Variants in LRP1B observed in about 807,000 individuals in gnomAD.
LRP1B encodes the protein LDL receptor related protein 1B.
A neutral mutation model predicts 556.6 loss-of-function variants in LRP1B; 217 were observed. The observed-to-expected ratio is 0.39, with a 90% confidence interval of 0.35 to 0.44. The LOEUF (loss-of-function observed/expected upper bound fraction) is 0.44, where lower values mean the gene tolerates loss of function less well. Among genes scored for constraint, LRP1B ranks in the 20% least tolerant of loss-of-function variants. The pLI is 1.00. For synonymous variants in LRP1B, 2,047 were observed against 1,865.8 expected (o/e 1.10, Z -2.50); for missense variants, 5,053 against 5,620.8 (o/e 0.90, Z 3.23).
At chr2:141,115,470 T>G (rs1318756747) in intron 7 of LRP1B, among the ~76,000 whole-genome samples, 3 of 149,560 alleles carry the variant, frequency 2.0e-5, no homozygotes, top group African/African-American at 7.4e-5. Flanking sequence ...TTTTTTTTTT[T>G]TTTTGAGATG....
At chr2:141,127,654 T>C (rs1379559338) in intron 7 of LRP1B, among the ~76,000 whole-genome samples, 1 of 152,208 alleles carries the variant, frequency 6.6e-6, no homozygotes, top group African/African-American at 2.4e-5. Context: ...TTCTCTTCAA[T>C]GGAGTTTAAG....
chr2:140,835,378 G>C (rs1691863645), intron 31 of LRP1B, among the ~76,000 whole-genome samples: 1 of 152,046 alleles, frequency 6.6e-6, no homozygotes, highest in Non-Finnish European at 1.5e-5. Flanking sequence ...TTCTTTTTGA[G>C]GGCTGCCACC....
chr2:141,024,939 C>T (rs34232591), intron 11 of LRP1B, among the ~76,000 whole-genome samples: 26,370 of 151,940 alleles, frequency 0.17, 2,442 homozygotes, highest in East Asian at 0.23. Flanking sequence ...TTTTCACTGG[C>T]AAGTGACTGT....
chr2:140,408,731 C>G (rs1216675220), intron 66 of LRP1B, among the ~76,000 whole-genome samples: 1 of 151,932 alleles, frequency 6.6e-6, no homozygotes, highest in African/African-American at 2.4e-5. Flanking sequence ...TGCCATAAAA[C>G]CCTAAACCCT....
At chr2:140,820,093 G>C (rs531765183) in intron 31 of LRP1B, among the ~76,000 whole-genome samples, 1 of 152,122 alleles carries the variant, frequency 6.6e-6, no homozygotes, top group South Asian at 2.1e-4. Flanking sequence ...TCTGCCTCCC[G>C]GGCTCAAGAG....
At chr2:141,132,253 C>A (rs148354459) in intron 7 of LRP1B, among the ~76,000 whole-genome samples, 1 of 151,864 alleles carries the variant, frequency 6.6e-6, no homozygotes, top group Non-Finnish European at 1.5e-5. Flanking sequence ...ATTATGGGGG[C>A]GGAACCCTCA....
chr2:141,154,616 T>G (rs1016474943), intron 7 of LRP1B, among the ~76,000 whole-genome samples: 1 of 151,890 alleles, frequency 6.6e-6, no homozygotes, highest in Non-Finnish European at 1.5e-5. Flanking sequence ...AAAAGCTTAT[T>G]TTATCAGAAT....
chr2:141,538,071 C>T (rs934036228), intron 2 of LRP1B, among the ~76,000 whole-genome samples: 1 of 152,040 alleles, frequency 6.6e-6, no homozygotes, highest in Non-Finnish European at 1.5e-5. Flanking sequence ...TGAGTTATTG[C>T]AAAATGTAAA....
intron 1 of LRP1B, among the ~76,000 whole-genome samples, chr2:141,849,587 C>T (rs1463352107): frequency 6.6e-6 from 1 of 151,528 alleles, no homozygotes; most frequent in Non-Finnish European, 1.5e-5. Flanking sequence ...CAATATGAGA[C>T]ATGTTATCAA....
At position 141,575,478 on chromosome 2, in the gene LRP1B, A is replaced by T. The variant is rs1057378079; in HGVS notation, c.206-94945T>A. Among the ~76,000 whole-genome samples, 4 of 152,308 alleles carry T rather than the reference A, an allele frequency of 2.6e-5. No homozygotes were observed. In the South Asian group the frequency reaches 6.2e-4, roughly 24 times the overall value. On this transcript the variant is annotated intron_variant, in intron 2 of 90. Coordinates refer to ENST00000389484, the MANE Select transcript of LRP1B (RefSeq NM_018557.3). ...AGATGGATTAAAGACTTAAATGTAA[A>T]ACCCCAAACCATAAAAACCCTAGAA...
At chr2:141,318,193 C>T (rs1017645852) in intron 3 of LRP1B, among the ~76,000 whole-genome samples, 1 of 152,124 alleles carries the variant, frequency 6.6e-6, no homozygotes, top group South Asian at 2.1e-4. Flanking sequence ...GTGTTAGTCA[C>T]CATACCAGGT....
intron 23 of LRP1B, among the ~76,000 whole-genome samples, chr2:140,902,174 CA>C (rs1253621506): frequency 6.6e-6 from 1 of 152,162 alleles, no homozygotes; most frequent in Non-Finnish European, 1.5e-5. Flanking sequence ...TGAATCTCTT[CA>C]ATTCTATCCA....
At chr2:141,679,374 G>T (rs951211970) in intron 2 of LRP1B, among the ~76,000 whole-genome samples, 1 of 152,100 alleles carries the variant, frequency 6.6e-6, no homozygotes, top group African/African-American at 2.4e-5. Context: ...GGGAAAATTT[G>T]TTATGCCGTA....
chr2:142,045,965 G>A (rs1345293068), intron 1 of LRP1B, among the ~76,000 whole-genome samples: 1 of 151,904 alleles, frequency 6.6e-6, no homozygotes, highest in Non-Finnish European at 1.5e-5. Flanking sequence ...GTGAAACATG[G>A]ATAAAACAGA....
At chr2:141,815,103 G>C (rs1460201286) in intron 1 of LRP1B, among the ~76,000 whole-genome samples, 1 of 152,124 alleles carries the variant, frequency 6.6e-6, no homozygotes, top group South Asian at 2.1e-4. Context: ...AGAGAGACTA[G>C]AGGCCCAAGA....
intron 58 of LRP1B, 140 bp from the exon 59 acceptor site, chr2:140,485,664 C>G (rs147132831): frequency 1.7e-6 from 1 of 577,368 alleles, no homozygotes; most frequent in Non-Finnish European, 2.9e-6. Context: ...AATAATTGAC[C>G]GCAATACAAT....
At chr2:141,861,574 C>T (rs1698240299) in intron 1 of LRP1B, among the ~76,000 whole-genome samples, 2 of 152,174 alleles carry the variant, frequency 1.3e-5, no homozygotes, top group South Asian at 4.1e-4. Flanking sequence ...GAAGCACCAC[C>T]TTAGACTTGC....
At chr2:140,516,554 T>C (rs1689910633) in intron 50 of LRP1B, among the ~76,000 whole-genome samples, 1 of 152,036 alleles carries the variant, frequency 6.6e-6, no homozygotes, top group Non-Finnish European at 1.5e-5. Flanking sequence ...AAATCCTTAT[T>C]TTTTATAGCA....
At chr2:141,822,348 G>C (rs1316266114) in intron 1 of LRP1B, among the ~76,000 whole-genome samples, 1 of 151,920 alleles carries the variant, frequency 6.6e-6, no homozygotes, top group Non-Finnish European at 1.5e-5. Flanking sequence ...TTTTTCAAAA[G>C]CCCATTCAAA....
Sources: gnomAD v4.1 joint callset for allele counts (sites outside exome capture counted in the v4.1 genomes callset) on GRCh38, gnomAD v4.1.1 for gene constraint, MANE v1.5 for transcripts, NCBI Gene and HGNC (gene_info 2026-07-23, HGNC 2026-07-21) for gene names.